The following ELP3 variants were observed in gnomAD, a reference collection of about 807,000 sequenced individuals.
ELP3 encodes the protein elongator acetyltransferase complex subunit 3.
ELP3 carries 56 observed loss-of-function variants against 74.9 expected under a neutral mutation model. That is an observed-to-expected ratio of 0.75 (90% CI 0.60 to 0.93). The LOEUF (loss-of-function observed/expected upper bound fraction) is 0.93. ELP3 is among the 40% of genes least tolerant of loss of function. ELP3 has a pLI of 0.00. For missense variants in ELP3, 573 were observed against 686.5 expected (o/e 0.83, Z 1.85); for synonymous variants, 222 against 239.8 (o/e 0.93, Z 0.68).
intron 14 of ELP3, among the ~76,000 whole-genome samples, chr8:28,174,027 C>T (rs912898291): frequency 1.3e-4 from 20 of 151,960 alleles, no homozygotes; most frequent in Admixed American, 3.3e-4. Context: ...TGATCTATCC[C>T]GGAAAATGTT....
At chr8:28,115,878 C>A (rs532448953) in intron 7 of ELP3, among the ~76,000 whole-genome samples, 1 of 152,168 alleles carries the variant, frequency 6.6e-6, no homozygotes, top group Non-Finnish European at 1.5e-5. Flanking sequence ...CACCCTCAGG[C>A]TTTTCTCTGG....
intron 13 of ELP3, among the ~76,000 whole-genome samples, chr8:28,161,134 G>A (rs1166022678): frequency 1.3e-5 from 2 of 152,224 alleles, no homozygotes; most frequent in East Asian, 1.9e-4. Flanking sequence ...TTATACATAG[G>A]GGAACCCTAT....
At chr8:28,152,503 A>T (rs1051121167) in intron 10 of ELP3, among the ~76,000 whole-genome samples, 2 of 152,082 alleles carry the variant, frequency 1.3e-5, no homozygotes, top group African/African-American at 2.4e-5. Flanking sequence ...CTTTGGCGTC[A>T]TGTATAAGAA....
At chr8:28,107,824 A>G in intron 4 of ELP3, 89 bp from the exon 5 acceptor site, 1 of 957,688 alleles carries the variant, frequency 1.0e-6, no homozygotes, top group East Asian at 2.4e-5. Flanking sequence ...ATTTGTTATC[A>G]GGATTCTTTG....
intron 1 of ELP3, among the ~76,000 whole-genome samples, chr8:28,095,382 C>A (rs1391561690): frequency 6.6e-6 from 1 of 152,236 alleles, no homozygotes; most frequent in African/African-American, 2.4e-5. Context: ...GAAAGCAGAG[C>A]TGCTGTGGTG....
At chr8:28,124,857 A>T (rs1812510960) in intron 7 of ELP3, among the ~76,000 whole-genome samples, 1 of 152,182 alleles carries the variant, frequency 6.6e-6, no homozygotes. Flanking sequence ...TTTTAAATCA[A>T]AATTCTGTCG....
Position 28,093,253 on chromosome 8 carries a change from TG to T in ELP3, c.19+25del. On this transcript the variant is annotated intron_variant, in intron 1 of 14. Transcript: ENST00000256398. ...GGAAAGGTGCGAAAGGGGAAGGAGA[TG>T]GGGGAAAGGGGTGGTCCGAAAGGGG... is the stretch of plus-strand genomic sequence containing the variant. 6.2e-7 allele frequency: 1 copy of T among 1,612,752 alleles called. No individual in the cohort carries two copies. The highest frequency in any genetic ancestry group is 8.5e-7 in the Non-Finnish European group (1 of 1,179,748).
intron 7 of ELP3, among the ~76,000 whole-genome samples, chr8:28,113,397 T>C (rs1044298089): frequency 2.0e-5 from 3 of 152,238 alleles, no homozygotes; most frequent in African/African-American, 7.2e-5. Context: ...AAAGAAAAAA[T>C]GAATACAGTT....
intron 11 of ELP3, 30 bp downstream of exon 11, chr8:28,156,062 A>G (rs4732832): frequency 1.3e-6 from 2 of 1,567,216 alleles, no homozygotes; most frequent in African/African-American, 1.4e-5. Context: ...TCAGGCCACA[A>G]CTGTTGAGAA....
chr8:28,093,253 T>A lies in ELP3; in HGVS notation c.19+20T>A. ...GGAAAGGTGCGAAAGGGGAAGGAGA[T>A]GGGGGAAAGGGGTGGTCCGAAAGGG... On this transcript the variant is annotated intron_variant, in intron 1 of 14. Transcript: ENST00000256398. The A allele has an allele frequency of 2.5e-6, 4 of 1,612,752 alleles. No individual in the cohort carries two copies. The highest frequency in any genetic ancestry group is 3.4e-6 in the Non-Finnish European group (4 of 1,179,748).
chr8:28,149,811 CT>C (rs1454420559), intron 10 of ELP3, among the ~76,000 whole-genome samples: 2 of 152,196 alleles, frequency 1.3e-5, no homozygotes, highest in African/African-American at 4.8e-5. Context: ...ATAAATTTTC[CT>C]CTAAGCACTG....
Position 28,185,549 on chromosome 8 carries a change from CTAAT to C in ELP3, c.1568-4096_1568-4093del, listed in dbSNP as rs368792427. 1.8e-3 allele frequency among the ~76,000 whole-genome samples: 272 copies of C among 152,306 alleles called. 3 individuals carry two copies. The highest frequency in any genetic ancestry group is 6.3e-3 in the African/African-American group (260 of 41,562). On this transcript the variant is annotated intron_variant, in intron 14 of 14. Coordinates refer to ENST00000256398, the MANE Select transcript of ELP3 (RefSeq NM_018091.6). ...GTGTGATTACTAAAACAGTGGAACTCTAATTAAGGCACACAGCCAGCCTGGAGAG... is the reference window on the plus strand; with the variant it reads ...GTGTGATTACTAAAACAGTGGAACTCTAAGGCACACAGCCAGCCTGGAGAG...
At chr8:28,138,860 A>G (rs1233857832) in intron 10 of ELP3, among the ~76,000 whole-genome samples, 2 of 152,242 alleles carry the variant, frequency 1.3e-5, no homozygotes, top group Admixed American at 6.5e-5. Flanking sequence ...AATTGCCTAT[A>G]TGGTCTCTAT....
At position 28,147,270 on chromosome 8, in the gene ELP3, C is replaced by T. The variant is rs1248135396; in HGVS notation, c.1101-8672C>T. 1.3e-5 allele frequency among the ~76,000 whole-genome samples: 2 copies of T among 152,154 alleles called. No homozygotes were observed. Among genetic ancestry groups the T allele is most frequent in the Admixed American group, 6.5e-5 (1 of 15,268 alleles). On this transcript the variant is annotated intron_variant, in intron 10 of 14. Transcript: ENST00000256398. This position sits in a 1 kb window ranked among gnomAD's most constrained non-coding sequence, Gnocchi z 4.5. Reference sequence around the variant, plus strand: ...TAGAGATCATCTCCCCTTACCTTCCCATCCCCTCTTCCCACTGCCTGTGGA... The same window carrying T: ...TAGAGATCATCTCCCCTTACCTTCCTATCCCCTCTTCCCACTGCCTGTGGA...
intron 2 of ELP3, among the ~76,000 whole-genome samples, chr8:28,098,510 A>G (rs887967893): frequency 6.6e-5 from 10 of 152,290 alleles, no homozygotes; most frequent in Non-Finnish European, 1.5e-4. Context: ...CCCTGATTAT[A>G]CAAATCTTTA....
chr8:28,119,506 T>C (rs949321127), intron 7 of ELP3, among the ~76,000 whole-genome samples: 3 of 147,176 alleles, frequency 2.0e-5, no homozygotes, highest in African/African-American at 7.5e-5. Flanking sequence ...CTGACTAGTG[T>C]TCACTGTCTG....
chr8:28,186,511 A>G (rs1432279166), intron 14 of ELP3, among the ~76,000 whole-genome samples: 1 of 152,234 alleles, frequency 6.6e-6, no homozygotes, highest in Non-Finnish European at 1.5e-5. Flanking sequence ...TTGCAAAGCA[A>G]CATCCAAGAA....
intron 12 of ELP3, 91 bp downstream of exon 12, chr8:28,158,724 C>T: frequency 9.9e-7 from 1 of 1,009,852 alleles, no homozygotes; most frequent in Non-Finnish European, 1.6e-6. Context: ...GGACAGAGCC[C>T]CAGGAGTGAA....
At chr8:28,182,798 A>G (rs1308698795) in intron 14 of ELP3, among the ~76,000 whole-genome samples, 1 of 152,186 alleles carries the variant, frequency 6.6e-6, no homozygotes, top group African/African-American at 2.4e-5. Context: ...CGTGGTGCGT[A>G]TCTTTTGGAG....
Sources: allele counts gnomAD v4.1 joint callset (sites outside exome capture counted in the v4.1 genomes callset), GRCh38; gene constraint gnomAD v4.1.1; non-coding constraint Gnocchi (gnomAD v3.1); transcripts MANE v1.5; gene names NCBI Gene and HGNC (gene_info 2026-07-23, HGNC 2026-07-21).